Variants in CDH18 observed in about 807,000 individuals in gnomAD.
The protein encoded by CDH18 is cadherin 18, also known as cadherin-18.
In CDH18, 31 loss-of-function variants were observed where a neutral mutation model predicts 67.9. The observed-to-expected ratio is 0.46, with a 90% CI of 0.34 to 0.62. The LOEUF is 0.62. Among genes scored for constraint, CDH18 ranks in the 20% least tolerant of loss-of-function variants. The pLI is 0.01. For synonymous variants in CDH18, 362 were observed against 347.2 expected, an observed-to-expected ratio of 1.04 and a Z score of -0.48; for missense variants, 890 against 975.5, an observed-to-expected ratio of 0.91 and a Z score of 1.17.
intron 9 of CDH18, among the ~76,000 whole-genome samples, chr5:19,525,745 C>T (rs901821762): frequency 6.6e-6 from 1 of 152,118 alleles, no homozygotes; most frequent in African/African-American, 2.4e-5. Context: ...GAACTGAAAA[C>T]TACCCATGGG....
chr5:20,501,527 T>A (rs1239527907), intron 1 of CDH18, among the ~76,000 whole-genome samples: 4 of 74,048 alleles, frequency 5.4e-5, no homozygotes, highest in Non-Finnish European at 5.3e-5. Context: ...ATATACATAT[T>A]ATATATATTA....
chr5:19,484,410 C>T (rs1310976957), intron 11 of CDH18, among the ~76,000 whole-genome samples: 1 of 152,166 alleles, frequency 6.6e-6, no homozygotes, highest in Non-Finnish European at 1.5e-5. Flanking sequence ...GCCTCATCTA[C>T]AATTCACTGC....
chr5:19,972,186 C>T (rs944875865), intron 2 of CDH18, among the ~76,000 whole-genome samples: 1 of 151,934 alleles, frequency 6.6e-6, no homozygotes, highest in Non-Finnish European at 1.5e-5. Context: ...TTTAGCACAG[C>T]CTTTGTTTTT....
At chr5:19,890,545 A>C (rs1788676423) in intron 2 of CDH18, among the ~76,000 whole-genome samples, 1 of 152,026 alleles carries the variant, frequency 6.6e-6, no homozygotes. Flanking sequence ...TGCACAGAAA[A>C]TGCAGACATT....
At chr5:19,677,326 G>A (rs1272427512) in intron 5 of CDH18, among the ~76,000 whole-genome samples, 1 of 151,986 alleles carries the variant, frequency 6.6e-6, no homozygotes, top group Non-Finnish European at 1.5e-5. Flanking sequence ...AAGCTAGGAA[G>A]AAATAAGATC....
chr5:19,677,671 T>C (rs1483166903), intron 5 of CDH18, among the ~76,000 whole-genome samples: 1 of 151,310 alleles, frequency 6.6e-6, no homozygotes, highest in Non-Finnish European at 1.5e-5. Context: ...GAGACCAATG[T>C]CACATGCAAT....
At chr5:20,558,773 T>C (rs186125684) in intron 1 of CDH18, among the ~76,000 whole-genome samples, 171 of 152,110 alleles carry the variant, frequency 1.1e-3, no homozygotes, top group African/African-American at 3.9e-3. Context: ...TCGACAATCA[T>C]GCAATTCAGA....
intron 1 of CDH18, among the ~76,000 whole-genome samples, chr5:20,297,202 T>G (rs1270798603): frequency 6.6e-6 from 1 of 152,306 alleles, no homozygotes; most frequent in South Asian, 2.1e-4. Flanking sequence ...ATCCTATAGG[T>G]TTTTCCCCTT....
At position 19,571,686 on chromosome 5, in the gene CDH18, T is replaced by C. The variant is rs753912842; in HGVS notation, c.1146A>G (p.Leu382=). 1.2e-6 allele frequency: 2 copies of C among 1,613,748 alleles called. No individual in the cohort carries two copies. The highest frequency in any genetic ancestry group is 2.2e-5 in the East Asian group (1 of 44,816). The change falls in exon 8 of 13, where the codon CTA becomes CTG. Residue 382 remains leucine (L), a synonymous_variant. Coordinates refer to ENST00000382275, the MANE Select transcript of CDH18 (RefSeq NM_004934.5). The stretch of plus-strand genomic sequence containing the variant: ...CCATGAGGTAGGAAGGCATGGAAAA[T>C]AGTGGTGGTTCATCTACATCCCCAA... ...IIVGDVDEPP[L]FSMPSYLMEV...
intron 2 of CDH18, among the ~76,000 whole-genome samples, chr5:19,847,460 A>G (rs1783122082): frequency 6.6e-6 from 1 of 152,006 alleles, no homozygotes; most frequent in Non-Finnish European, 1.5e-5. Context: ...GCTTCTTTTT[A>G]TATATTTAAT....
chr5:19,886,042 G>GC (rs1171529417), intron 2 of CDH18: 5 of 152,102 alleles, frequency 3.3e-5, no homozygotes, highest in Non-Finnish European at 7.4e-5. Context: ...ATTTCAATGA[G>GC]TTTTTCACAA....
At chr5:20,069,286 A>G (rs1221740431) in intron 2 of CDH18, among the ~76,000 whole-genome samples, 1 of 152,042 alleles carries the variant, frequency 6.6e-6, no homozygotes, top group African/African-American at 2.4e-5. Context: ...TGCCATAAGT[A>G]GCTTCTTCTC....
intron 10 of CDH18, among the ~76,000 whole-genome samples, chr5:19,519,146 G>A (rs1024458927): frequency 6.6e-6 from 1 of 151,970 alleles, no homozygotes. Context: ...AGCCCAATTT[G>A]TTACTCATTT....
At chr5:19,771,243 T>G (rs2149739491) in intron 3 of CDH18, among the ~76,000 whole-genome samples, 1 of 152,300 alleles carries the variant, frequency 6.6e-6, no homozygotes, top group South Asian at 2.1e-4. Flanking sequence ...AGCGACTCCT[T>G]GTAATAAGAT....
At chr5:20,561,404 A>G (rs756915476) in intron 1 of CDH18, among the ~76,000 whole-genome samples, 3 of 152,122 alleles carry the variant, frequency 2.0e-5, no homozygotes, top group Non-Finnish European at 4.4e-5. Context: ...GCATGAGGAC[A>G]ATGGAATATT....
intron 5 of CDH18, among the ~76,000 whole-genome samples, chr5:19,719,949 G>GAAAGAAAGAAAGA (rs1765849764): frequency 6.7e-6 from 1 of 150,322 alleles, no homozygotes; most frequent in South Asian, 2.1e-4. Context: ...AAGAAAGAAA[G>GAAAGAAAGAAAGA]AAAGAAAGAA....
chr5:20,165,541 G>A (rs1580383569), intron 2 of CDH18, among the ~76,000 whole-genome samples: 1 of 152,080 alleles, frequency 6.6e-6, no homozygotes, highest in East Asian at 1.9e-4. Flanking sequence ...CTGTAATAAA[G>A]TTTTAGGAGA....
At chr5:20,224,378 T>C (rs1463717130) in intron 2 of CDH18, among the ~76,000 whole-genome samples, 1 of 152,098 alleles carries the variant, frequency 6.6e-6, no homozygotes, top group Non-Finnish European at 1.5e-5. Flanking sequence ...ATTCAGAATA[T>C]TGGACCCTTC....
Position 19,863,949 on chromosome 5 carries a change from C to T in CDH18, c.-256-24707G>A, listed in dbSNP as rs556647870. Among the ~76,000 whole-genome samples, 3 of 152,010 alleles carry T rather than the reference C, an allele frequency of 2.0e-5. 1 individual carries two copies. In the South Asian group the frequency reaches 6.3e-4, roughly 32 times the overall value. ...TTGGTGGGACTGTAAACTAGTTCAA[C>T]CATTGTGGAAGTCAGTGTGGTGATT... On this transcript the variant is annotated intron_variant, in intron 2 of 12. Coordinates refer to ENST00000382275, the MANE Select transcript of CDH18 (RefSeq NM_004934.5).
Sources: gnomAD v4.1 joint callset for allele counts (sites outside exome capture counted in the v4.1 genomes callset) on GRCh38, gnomAD v4.1.1 for gene constraint, MANE v1.5 for transcripts, NCBI Gene and HGNC (gene_info 2026-07-23, HGNC 2026-07-21) for gene names.